Variants in GRK5 observed in about 807,000 individuals in gnomAD.
GRK5 encodes g protein-coupled receptor kinase GRK5.
Under a neutral mutation model 78.4 loss-of-function variants are expected in GRK5, and 40 were observed. The observed-to-expected ratio is 0.51, with a 90% confidence interval of 0.40 to 0.66. The LOEUF is 0.66. GRK5 is among the 30% of genes least tolerant of loss of function. The probability of loss-of-function intolerance (pLI) is 0.00; values close to 1 mark genes in which losing one functional copy is unlikely to be tolerated. For synonymous variants in GRK5, 289 were observed against 296.8 expected (o/e 0.97, Z 0.27); for missense variants, 598 against 759.9 (o/e 0.79, Z 2.50).
chr10:119,297,181 T>C (rs1850096711), intron 1 of GRK5, among the ~76,000 whole-genome samples: 1 of 152,222 alleles, frequency 6.6e-6, no homozygotes, highest in Admixed American at 6.5e-5. Flanking sequence ...GGTTTGGAAA[T>C]AGAAGCTACC....
chr10:119,439,280 G>A (rs1047632267), intron 9 of GRK5, among the ~76,000 whole-genome samples: 1 of 152,230 alleles, frequency 6.6e-6, no homozygotes, highest in Non-Finnish European at 1.5e-5. Flanking sequence ...TCTCCTGCAG[G>A]CCCCATCCCA....
At chr10:119,309,566 C>T (rs975401637) in intron 1 of GRK5, among the ~76,000 whole-genome samples, 1 of 152,228 alleles carries the variant, frequency 6.6e-6, no homozygotes, top group African/African-American at 2.4e-5. Context: ...ACCACAATCT[C>T]ACTTTGGCCC....
At chr10:119,381,476 A>G (rs536760165) in intron 3 of GRK5, among the ~76,000 whole-genome samples, 8 of 152,366 alleles carry the variant, frequency 5.3e-5, no homozygotes, top group Non-Finnish European at 7.3e-5. Flanking sequence ...TCTGACACCA[A>G]TGGCTCCACT....
chr10:119,435,026 C>T (rs1024390670), intron 8 of GRK5, among the ~76,000 whole-genome samples: 4 of 152,182 alleles, frequency 2.6e-5, no homozygotes, highest in Non-Finnish European at 4.4e-5. Flanking sequence ...CACCATGGCT[C>T]GAGCACTGCA....
intron 2 of GRK5, among the ~76,000 whole-genome samples, chr10:119,369,674 A>G (rs555359140): frequency 6.6e-6 from 1 of 152,370 alleles, no homozygotes; most frequent in East Asian, 1.9e-4. Context: ...AAGCACCAGC[A>G]CTGCTGATGC....
At chr10:119,243,421 T>G (rs896533452) in intron 1 of GRK5, among the ~76,000 whole-genome samples, 2 of 152,162 alleles carry the variant, frequency 1.3e-5, no homozygotes, top group African/African-American at 4.8e-5. Flanking sequence ...AAATCCCAAC[T>G]ATAGTGCTTA....
At chr10:119,241,568 G>A (rs1308673135) in intron 1 of GRK5, among the ~76,000 whole-genome samples, 1 of 152,190 alleles carries the variant, frequency 6.6e-6, no homozygotes, top group African/African-American at 2.4e-5. Flanking sequence ...GTATATAATT[G>A]TGAAAATTGG....
At chr10:119,260,291 G>A (rs1589707342) in intron 1 of GRK5, among the ~76,000 whole-genome samples, 1 of 151,498 alleles carries the variant, frequency 6.6e-6, no homozygotes, top group African/African-American at 2.4e-5. Context: ...GTGAGCCGCC[G>A]CACCGGCCAA....
intron 6 of GRK5, among the ~76,000 whole-genome samples, chr10:119,427,633 T>TCATCA (rs1852723119): frequency 5.6e-5 from 7 of 125,214 alleles, no homozygotes; most frequent in African/African-American, 1.3e-4. Context: ...TCAGCATCAC[T>TCATCA]GCTATCATCA....
chr10:119,307,300 G>A (rs1850287583), intron 1 of GRK5, among the ~76,000 whole-genome samples: 1 of 152,018 alleles, frequency 6.6e-6, no homozygotes, highest in South Asian at 2.1e-4. Context: ...CTGAATCATG[G>A]TCCCCTAAAG....
chr10:119,434,217 C>T (rs934639761), intron 8 of GRK5, among the ~76,000 whole-genome samples: 4 of 152,172 alleles, frequency 2.6e-5, no homozygotes, highest in African/African-American at 9.7e-5. Flanking sequence ...CCAACCATAT[C>T]ATTCTGCCCC....
chr10:119,285,128 C>G (rs1276582616), intron 1 of GRK5, among the ~76,000 whole-genome samples: 2 of 152,152 alleles, frequency 1.3e-5, no homozygotes, highest in Admixed American at 1.3e-4. Flanking sequence ...GTGAAGTCAT[C>G]AGACCTATAC....
At chr10:119,234,857 T>C (rs1848894777) in intron 1 of GRK5, among the ~76,000 whole-genome samples, 1 of 152,078 alleles carries the variant, frequency 6.6e-6, no homozygotes, top group African/African-American at 2.4e-5. Flanking sequence ...GTATTTTTAG[T>C]AGAGACAGCA....
intron 1 of GRK5, among the ~76,000 whole-genome samples, chr10:119,317,969 G>A (rs547182842): frequency 6.6e-6 from 1 of 152,210 alleles, no homozygotes; most frequent in African/African-American, 2.4e-5. Context: ...CATCCCCAGA[G>A]TGTCTGATTC....
chr10:119,269,985 C>T (rs1849560221), intron 1 of GRK5, among the ~76,000 whole-genome samples: 1 of 152,176 alleles, frequency 6.6e-6, no homozygotes, highest in Admixed American at 6.5e-5. Context: ...TTTGTCTGCT[C>T]CTCCAGCCTC....
intron 10 of GRK5, among the ~76,000 whole-genome samples, chr10:119,441,449 G>A (rs1049011266): frequency 1.3e-5 from 2 of 152,338 alleles, no homozygotes; most frequent in South Asian, 4.1e-4. Context: ...CCCGCTCTGG[G>A]GGCTCAGTCC....
At chr10:119,335,468 A>G (rs1024133441) in intron 2 of GRK5, among the ~76,000 whole-genome samples, 1 of 151,936 alleles carries the variant, frequency 6.6e-6, no homozygotes, top group African/African-American at 2.4e-5. Context: ...GATTCAAGCA[A>G]TTCTTCTGCC....
At chr10:119,423,416 C>T (rs867154329) in intron 5 of GRK5, 150 bp downstream of exon 5, 43 of 599,714 alleles carry the variant, frequency 7.2e-5, no homozygotes, top group South Asian at 2.9e-4. Flanking sequence ...ATACTTCCCA[C>T]GAAGAGAAAA....
intron 4 of GRK5, among the ~76,000 whole-genome samples, chr10:119,416,186 G>A (rs1426519732): frequency 1.3e-5 from 2 of 152,262 alleles, no homozygotes; most frequent in Admixed American, 1.3e-4. Flanking sequence ...ACAGGGAGAT[G>A]CTTTGGGAAC....
Sources: gnomAD v4.1 joint callset for allele counts (sites outside exome capture counted in the v4.1 genomes callset) on GRCh38, gnomAD v4.1.1 for gene constraint, MANE v1.5 for transcripts, NCBI Gene and HGNC (gene_info 2026-07-23, HGNC 2026-07-21) for gene names.